Variants in HMCN1 observed in about 807,000 individuals in gnomAD.
The protein encoded by HMCN1 is hemicentin-1.
Under a neutral mutation model 625.9 loss-of-function variants are expected in HMCN1, and 321 were observed. The observed-to-expected ratio is 0.51, with a 90% CI of 0.47 to 0.56. The LOEUF is 0.56. Among genes scored for constraint, HMCN1 ranks in the 20% least tolerant of loss-of-function variants. The probability of loss-of-function intolerance (pLI) is 0.00; values close to 1 mark genes in which losing one functional copy is unlikely to be tolerated. For missense variants in HMCN1, 6,588 were observed against 6,887.3 expected (o/e 0.96, Z 1.54); for synonymous variants, 2,425 against 2,417.6 (o/e 1.00, Z -0.09).
chr1:185,886,542 G>A (rs73056300), intron 4 of HMCN1, among the ~76,000 whole-genome samples: 9,672 of 150,470 alleles, frequency 0.064, 1,081 homozygotes, highest in African/African-American at 0.22. Flanking sequence ...TATATATTCA[G>A]ATTTTCTCAT....
intron 66 of HMCN1, 145 bp from the exon 67 acceptor site, chr1:186,094,131 A>G (rs1285497080): frequency 5.6e-6 from 4 of 716,666 alleles, no homozygotes; most frequent in African/African-American, 1.8e-5. Context: ...AGGCCCCTAT[A>G]TTTTGTGATG....
At chr1:185,807,088 G>T (rs1659220361) in intron 1 of HMCN1, among the ~76,000 whole-genome samples, 1 of 152,128 alleles carries the variant, frequency 6.6e-6, no homozygotes, top group Admixed American at 6.5e-5. Flanking sequence ...CTCCCTGTGT[G>T]TTGAAGATTA....
chr1:186,060,744 G>T (rs1258910426), intron 46 of HMCN1, among the ~76,000 whole-genome samples: 1 of 152,020 alleles, frequency 6.6e-6, no homozygotes, highest in Non-Finnish European at 1.5e-5. Context: ...ATATTAGGTT[G>T]GTGCAAAAGT....
chr1:185,990,322 C>A lies in HMCN1; in HGVS notation c.3256C>A (p.Pro1086Thr). Residue 1086 changes from proline to threonine, a missense_variant, in exon 22 of 107, where the codon CCT becomes ACT. Physicochemically the swap from Pro to Thr is conservative, Grantham distance 38. Coordinates refer to ENST00000271588, the MANE Select transcript of HMCN1 (RefSeq NM_031935.3). The stretch of plus-strand genomic sequence containing the variant: ...TCAACGAGGACTGTCCCAGGATAAG[C>A]CTGTTGAGATCTCCGTCCTTGCAGG... Reference protein sequence around the residue: ...GDQRGLSQDKPVEISVLAGEE... With the variant: ...GDQRGLSQDKTVEISVLAGEE... 1 of 1,613,856 alleles carries A rather than the reference C, an allele frequency of 6.2e-7. No homozygotes were observed. The highest frequency in any genetic ancestry group is 8.5e-7 in the Non-Finnish European group (1 of 1,179,756).
chr1:185,878,447 T>C (rs577579822), intron 4 of HMCN1, among the ~76,000 whole-genome samples: 12 of 152,336 alleles, frequency 7.9e-5, no homozygotes, highest in Non-Finnish European at 1.5e-4. Flanking sequence ...GCTTTTACCA[T>C]GAAGGGATTT....
chr1:186,184,223 C>G (rs1337503162), intron 105 of HMCN1, among the ~76,000 whole-genome samples: 1 of 152,136 alleles, frequency 6.6e-6, no homozygotes, highest in Non-Finnish European at 1.5e-5. Context: ...TTTAAAAAGA[C>G]TTGAGAGAAA....
intron 1 of HMCN1, among the ~76,000 whole-genome samples, chr1:185,764,093 G>A (rs1377216089): frequency 6.6e-6 from 1 of 152,108 alleles, no homozygotes; most frequent in Non-Finnish European, 1.5e-5. Context: ...ATTAAGAATA[G>A]TTTACAACTC....
At chr1:185,950,074 G>A (rs1571604324) in intron 11 of HMCN1, among the ~76,000 whole-genome samples, 2 of 151,898 alleles carry the variant, frequency 1.3e-5, no homozygotes, top group East Asian at 1.9e-4. Flanking sequence ...GTGAGGAACA[G>A]GAAAGAAGGA....
At chr1:186,039,048 A>G (rs759384814) in intron 38 of HMCN1, 43 bp downstream of exon 38, 9 of 1,271,054 alleles carry the variant, frequency 7.1e-6, no homozygotes, top group Non-Finnish European at 9.2e-6. Flanking sequence ...GTAAAGAAGC[A>G]TTCAAAATGA....
intron 36 of HMCN1, among the ~76,000 whole-genome samples, chr1:186,036,687 T>G (rs988696165): frequency 6.6e-6 from 1 of 152,000 alleles, no homozygotes; most frequent in African/African-American, 2.4e-5. Flanking sequence ...ACCTCCCAAG[T>G]TGAAGCGATT....
Position 186,061,862 on chromosome 1 carries a change from C to T in HMCN1, c.7324C>T (p.Leu2442=). The part of the protein sequence containing the change: ...SVRILSGGRM[L]RLMQTTMEDA... ...GTTTGCTTCTGCAGGAGGCAGGATGCTACGGCTGATGCAGACCACAATGGA... is the reference window on the plus strand; with the variant it reads ...GTTTGCTTCTGCAGGAGGCAGGATGTTACGGCTGATGCAGACCACAATGGA... Residue 2442 remains leucine (L), a synonymous_variant, in exon 47 of 107, where the codon CTA becomes TTA. Coordinates refer to ENST00000271588, the MANE Select transcript of HMCN1 (RefSeq NM_031935.3). 6.2e-7 allele frequency: 1 copy of T among 1,610,224 alleles called. No homozygotes were observed. The highest frequency in any genetic ancestry group is 2.2e-5 in the East Asian group (1 of 44,768).
chr1:185,943,970 A>G (rs1374093474), intron 11 of HMCN1, among the ~76,000 whole-genome samples: 1 of 152,186 alleles, frequency 6.6e-6, no homozygotes, highest in Non-Finnish European at 1.5e-5. Context: ...TATGTTTTTT[A>G]TATCACAAGA....
intron 43 of HMCN1, 135 bp from the exon 44 acceptor site, chr1:186,053,690 A>G: frequency 1.2e-6 from 1 of 841,206 alleles, no homozygotes; most frequent in South Asian, 1.5e-5. Flanking sequence ...CATTTTACAC[A>G]CTAGGGCAGG....
chr1:185,820,011 G>C (rs1660086815), intron 1 of HMCN1, among the ~76,000 whole-genome samples: 1 of 152,094 alleles, frequency 6.6e-6, no homozygotes, highest in African/African-American at 2.4e-5. Flanking sequence ...GTAGCAGGAA[G>C]GAAAAAAGCA....
chr1:186,171,968 ATT>A lies in HMCN1; in HGVS notation c.15689-35_15689-34del, dbSNP rs1370639731. On this transcript the variant is annotated intron_variant, in intron 101 of 106. Coordinates refer to ENST00000271588, the MANE Select transcript of HMCN1 (RefSeq NM_031935.3). ...TTTCTCTGGAAAAGTTGAATAAATAATTTTCTTAATCTACATTACCTTTGTTC... is the reference window on the plus strand; with the variant it reads ...TTTCTCTGGAAAAGTTGAATAAATAATTCTTAATCTACATTACCTTTGTTC... 5 of 1,598,738 alleles carry A rather than the reference ATT, an allele frequency of 3.1e-6. No homozygotes were observed. The East Asian group carries it at 1.1e-4, about 36-fold the overall frequency.
chr1:186,182,368 C>T (rs1358132980), intron 105 of HMCN1, 81 bp downstream of exon 105: 2 of 1,521,698 alleles, frequency 1.3e-6, no homozygotes, highest in East Asian at 2.3e-5. Flanking sequence ...TTTCAATAAT[C>T]ATTCTCCTAG....
At chr1:185,778,317 C>T (rs558084779) in intron 1 of HMCN1, among the ~76,000 whole-genome samples, 13 of 151,618 alleles carry the variant, frequency 8.6e-5, no homozygotes, top group Non-Finnish European at 1.2e-4. Context: ...CCCATTCCCT[C>T]GGAAAATTGT....
intron 4 of HMCN1, among the ~76,000 whole-genome samples, chr1:185,886,274 A>G (rs1024373622): frequency 1.3e-5 from 2 of 152,122 alleles, no homozygotes; most frequent in African/African-American, 4.8e-5. Context: ...GACAGCAGAA[A>G]GAAAAGCCCA....
chr1:185,885,690 T>C (rs1316284690), intron 4 of HMCN1, among the ~76,000 whole-genome samples: 1 of 152,044 alleles, frequency 6.6e-6, no homozygotes, highest in Admixed American at 6.6e-5. Context: ...TATAACTAGG[T>C]GAATCAGAAG....
Sources: allele counts gnomAD v4.1 joint callset (sites outside exome capture counted in the v4.1 genomes callset), GRCh38; gene constraint gnomAD v4.1.1; transcripts MANE v1.5; gene names NCBI Gene and HGNC (gene_info 2026-07-23, HGNC 2026-07-21).